Variants in ABCB11 observed in about 807,000 individuals in gnomAD.
The protein encoded by ABCB11 is bile salt export pump.
Under a neutral mutation model 148.0 loss-of-function variants are expected in ABCB11, and 95 were observed. The observed-to-expected ratio is 0.64, with a 90% CI of 0.54 to 0.76. The LOEUF (loss-of-function observed/expected upper bound fraction) is 0.76. Among genes scored for constraint, ABCB11 ranks in the 30% least tolerant of loss-of-function variants. The probability of loss-of-function intolerance (pLI) is 0.00; values close to 1 mark genes in which losing one functional copy is unlikely to be tolerated. For synonymous variants in ABCB11, 591 were observed against 555.4 expected (o/e 1.06, Z -0.90); for missense variants, 1,523 against 1,617.8 (o/e 0.94, Z 1.01).
At chr2:169,014,664 T>C (rs981568009) in intron 3 of ABCB11, among the ~76,000 whole-genome samples, 1 of 152,156 alleles carries the variant, frequency 6.6e-6, no homozygotes, top group Non-Finnish European at 1.5e-5. Flanking sequence ...TTGCCCTCAG[T>C]CATGACCCTC....
At chr2:168,972,331 TAA>T (rs61521321) in intron 13 of ABCB11, among the ~76,000 whole-genome samples, 86,487 of 151,340 alleles carry the variant, frequency 0.57, 24,933 homozygotes, top group East Asian at 0.75. Context: ...TTGATTCCAG[TAA>T]AGAGTAGAGA....
intron 21 of ABCB11, among the ~76,000 whole-genome samples, chr2:168,937,279 A>C (rs995001775): frequency 1.3e-5 from 2 of 152,148 alleles, no homozygotes; most frequent in Non-Finnish European, 2.9e-5. Context: ...GTTATTTCCA[A>C]CTTTTGGCTA....
At chr2:169,024,723 A>G (rs1695642456) in intron 1 of ABCB11, among the ~76,000 whole-genome samples, 1 of 152,134 alleles carries the variant, frequency 6.6e-6, no homozygotes, top group Admixed American at 6.5e-5. Flanking sequence ...AAGTTGTCAT[A>G]TCTTGTTAAG....
intron 13 of ABCB11, 44 bp from the exon 14 acceptor site, chr2:168,972,094 G>C: frequency 6.4e-7 from 1 of 1,566,630 alleles, no homozygotes; most frequent in Non-Finnish European, 8.7e-7. Context: ...GAATCTTTCA[G>C]GGTTCTGAAT....
At chr2:168,990,204 G>A (rs1358109588) in intron 9 of ABCB11, among the ~76,000 whole-genome samples, 5 of 152,040 alleles carry the variant, frequency 3.3e-5, no homozygotes, top group African/African-American at 1.2e-4. Flanking sequence ...TAAATGTCTG[G>A]TAAAATTCAG....
chr2:168,928,381 A>G (rs1271073348), intron 25 of ABCB11, among the ~76,000 whole-genome samples: 1 of 152,310 alleles, frequency 6.6e-6, no homozygotes, highest in Admixed American at 6.5e-5. Context: ...GGACTCATGC[A>G]GTAACAGGCA....
chr2:168,993,975 A>G, intron 7 of ABCB11, 93 bp from the exon 8 acceptor site: 2 of 1,087,760 alleles, frequency 1.8e-6, no homozygotes, highest in Non-Finnish European at 2.7e-6. Context: ...AAACATTCCC[A>G]TCTCTCTATC....
At chr2:168,969,931 A>T in intron 15 of ABCB11, 114 bp downstream of exon 15, 1 of 1,026,236 alleles carries the variant, frequency 9.7e-7, no homozygotes, top group South Asian at 1.4e-5. Context: ...AGATGCATGA[A>T]CCCATGTAGT....
chr2:168,923,427 A>G lies in ABCB11; in HGVS notation c.*195T>C. ...TTTCATTTTCTGTATACACATCTAA[A>G]GCAGAATTATTATGGAAGGCCATTA... On this transcript the variant is annotated 3_prime_UTR_variant, in exon 28 of 28. Transcript: ENST00000650372. 1.6e-6 allele frequency: 1 copy of G among 627,104 alleles called. No individual in the cohort carries two copies. Among genetic ancestry groups the G allele is most frequent in the Non-Finnish European group, 2.8e-6 (1 of 358,784 alleles). The allele number at this position is 627,104 out of a possible 1,614,324, so 38.8% of individuals were successfully genotyped here. A position where few individuals can be genotyped will look rare whatever the true frequency, so the allele number is the denominator to read the frequency against.
At chr2:169,018,212 A>G in intron 1 of ABCB11, 60 bp from the exon 2 acceptor site, 1 of 1,471,994 alleles carries the variant, frequency 6.8e-7, no homozygotes, top group Non-Finnish European at 9.4e-7. Context: ...CTTTAATCAA[A>G]GTAGCCAAAC....
At chr2:169,014,983 C>T (rs1031598018) in intron 3 of ABCB11, among the ~76,000 whole-genome samples, 3 of 152,172 alleles carry the variant, frequency 2.0e-5, no homozygotes, top group African/African-American at 7.2e-5. Flanking sequence ...TACTGTCTGA[C>T]ATGTTTAACT....
chr2:169,010,576 A>C (rs1359947384), intron 5 of ABCB11, among the ~76,000 whole-genome samples: 1 of 152,228 alleles, frequency 6.6e-6, no homozygotes, highest in Non-Finnish European at 1.5e-5. Flanking sequence ...ATTGTAATAA[A>C]AGGAGAAACT....
At chr2:168,931,706 C>G (rs1308588700) in intron 24 of ABCB11, among the ~76,000 whole-genome samples, 1 of 152,182 alleles carries the variant, frequency 6.6e-6, no homozygotes, top group Non-Finnish European at 1.5e-5. Context: ...AGGTAGATCT[C>G]AGAGGACAAC....
chr2:168,994,825 C>T (rs1305405580), intron 7 of ABCB11, among the ~76,000 whole-genome samples: 3 of 151,942 alleles, frequency 2.0e-5, no homozygotes, highest in Admixed American at 1.3e-4. Flanking sequence ...GGTATTAGGC[C>T]ATTGTGTTCC....
chr2:168,956,112 A>G lies in ABCB11; in HGVS notation c.2343+1852T>C, dbSNP rs114952358. 6.7e-3 allele frequency among the ~76,000 whole-genome samples: 1,012 copies of G among 151,834 alleles called. 13 individuals carry two copies. The highest frequency in any genetic ancestry group is 0.023 in the African/African-American group (940 of 41,486). ...TCATGGCAGAAGGTGAAGGGGAAGC[A>G]AGGCATGTCTTCACATGGCCAAACC... On this transcript the variant is annotated intron_variant, in intron 19 of 27. Coordinates refer to ENST00000650372, the MANE Select transcript of ABCB11 (RefSeq NM_003742.4).
chr2:168,943,495 C>T (rs1460290531), intron 21 of ABCB11, among the ~76,000 whole-genome samples: 1 of 151,926 alleles, frequency 6.6e-6, no homozygotes, highest in Non-Finnish European at 1.5e-5. Context: ...AAGTATTGTG[C>T]ACTCATTAAA....
chr2:168,944,411 C>G (rs948876780), intron 21 of ABCB11, among the ~76,000 whole-genome samples, 194 bp downstream of exon 21: 7 of 151,998 alleles, frequency 4.6e-5, no homozygotes, highest in Admixed American at 2.6e-4. Flanking sequence ...TATATTGATT[C>G]TGGGCACTGC....
In ABCB11 at chr2:168,921,746, T is replaced by G. The variant is rs113480975; in HGVS notation, c.*1876A>C. Among the ~76,000 whole-genome samples, 106 of 152,114 alleles carry G rather than the reference T, an allele frequency of 7.0e-4. No individual in the cohort carries two copies. The highest frequency in any genetic ancestry group is 2.1e-3 in the African/African-American group (87 of 41,484). Reference sequence around the variant, plus strand: ...GAGACACCAAAAAGCCTGGGGAAGCTCTGATCGAGTGGGTGCTTGTTGGTT... The same window carrying G: ...GAGACACCAAAAAGCCTGGGGAAGCGCTGATCGAGTGGGTGCTTGTTGGTT... On this transcript the variant is annotated 3_prime_UTR_variant, in exon 28 of 28. Coordinates refer to ENST00000650372, the MANE Select transcript of ABCB11 (RefSeq NM_003742.4).
intron 21 of ABCB11, among the ~76,000 whole-genome samples, chr2:168,938,454 A>G (rs1691923129): frequency 6.6e-6 from 1 of 152,202 alleles, no homozygotes; most frequent in Admixed American, 6.6e-5. Context: ...CACTTAGATG[A>G]GGTACATAGA....
Sources: gnomAD v4.1 joint callset for allele counts (sites outside exome capture counted in the v4.1 genomes callset) on GRCh38, gnomAD v4.1.1 for gene constraint, MANE v1.5 for transcripts, NCBI Gene and HGNC (gene_info 2026-07-23, HGNC 2026-07-21) for gene names.